CACNB2: variants seen among roughly 807,000 people sequenced by gnomAD.
CACNB2 encodes the protein calcium voltage-gated channel auxiliary subunit beta 2.
A neutral mutation model predicts 73.3 loss-of-function variants in CACNB2; 42 were observed. The ratio of observed to expected loss-of-function variants is 0.57; its 90% confidence interval spans 0.45 to 0.74. The LOEUF (loss-of-function observed/expected upper bound fraction) is 0.74. Among genes scored for constraint, CACNB2 ranks in the 30% least tolerant of loss-of-function variants. The probability of loss-of-function intolerance (pLI) is 0.00; values close to 1 mark genes in which losing one functional copy is unlikely to be tolerated. For missense variants in CACNB2, 940 were observed against 853.0 expected, an observed-to-expected ratio of 1.10 and a Z score of -1.27; for synonymous variants, 348 against 310.3, an observed-to-expected ratio of 1.12 and a Z score of -1.28.
At chr10:18,192,430 C>T (rs920757661) in intron 2 of CACNB2, among the ~76,000 whole-genome samples, 7 of 152,178 alleles carry the variant, frequency 4.6e-5, no homozygotes, top group Middle Eastern at 3.4e-3. Flanking sequence ...TGACTGTAGC[C>T]GCCAACTCCT....
At chr10:18,352,708 G>A (rs570104508) in intron 2 of CACNB2, among the ~76,000 whole-genome samples, 4 of 152,298 alleles carry the variant, frequency 2.6e-5, no homozygotes, top group African/African-American at 9.6e-5. Context: ...AACACTTAGA[G>A]GAAACATGCT....
At chr10:18,418,055 G>A (rs1021810412) in intron 3 of CACNB2, among the ~76,000 whole-genome samples, 3 of 152,020 alleles carry the variant, frequency 2.0e-5, no homozygotes, top group African/African-American at 7.2e-5. Flanking sequence ...GGAGTGCAGG[G>A]TTGTGGTTTT....
intron 6 of CACNB2, among the ~76,000 whole-genome samples, chr10:18,510,922 C>T (rs992907653): frequency 7.9e-5 from 12 of 152,150 alleles, no homozygotes; most frequent in South Asian, 4.1e-4. Flanking sequence ...TCCAGGAAAG[C>T]GCTGACAACA....
chr10:18,328,073 C>A (rs531026024), intron 2 of CACNB2, among the ~76,000 whole-genome samples: 1 of 152,292 alleles, frequency 6.6e-6, no homozygotes, highest in East Asian at 1.9e-4. Flanking sequence ...AAGATCCAAC[C>A]TCTATGCAGT....
At chr10:18,494,631 C>CAAAAAAAAAAA (rs909672661) in intron 3 of CACNB2, among the ~76,000 whole-genome samples, 4 of 61,804 alleles carry the variant, frequency 6.5e-5, no homozygotes, top group Admixed American at 1.7e-4. Flanking sequence ...GACTCCGTCT[C>CAAAAAAAAAAA]AAAAAAAAAA....
intron 3 of CACNB2, among the ~76,000 whole-genome samples, chr10:18,411,360 G>C (rs114479573): frequency 0.015 from 2,352 of 152,152 alleles, 76 homozygotes; most frequent in African/African-American, 0.053. Flanking sequence ...ACACACATTG[G>C]TACTGTCGTT....
intron 2 of CACNB2, among the ~76,000 whole-genome samples, chr10:18,221,899 G>A (rs1045310431): frequency 3.3e-5 from 5 of 152,196 alleles, no homozygotes; most frequent in African/African-American, 1.2e-4. Flanking sequence ...CTTTTGGAAA[G>A]TAGCATTGGC....
At chr10:18,253,831 GGGCGCGAAGACAATT>G (rs2037179129) in intron 2 of CACNB2, among the ~76,000 whole-genome samples, 1 of 152,168 alleles carries the variant, frequency 6.6e-6, no homozygotes, top group Admixed American at 6.5e-5. Flanking sequence ...TCTGAAGTTT[GGGCGCGAAGACAATT>G]GGCTGAAGAT....
intron 2 of CACNB2, among the ~76,000 whole-genome samples, chr10:18,270,280 A>C (rs775784473): frequency 6.6e-6 from 1 of 152,138 alleles, no homozygotes; most frequent in Admixed American, 6.5e-5. Flanking sequence ...TGCACCCATT[A>C]ACCAGTCACC....
At position 18,527,293 on chromosome 10, in the gene CACNB2, T is replaced by C. The variant is rs547486314; in HGVS notation, c.945-295T>C. 2.0e-5 allele frequency among the ~76,000 whole-genome samples: 3 copies of C among 152,104 alleles called. No individual in the cohort carries two copies. In the South Asian group the frequency reaches 6.2e-4, roughly 32 times the overall value. ...CCAGAGGCTGAGGCAGGAGAATCAC[T>C]TGAACCTGAAAGGTGGAGATTGCAG... On this transcript the variant is annotated intron_variant, in intron 9 of 13. Transcript: ENST00000324631.
At chr10:18,420,797 TTTAG>T (rs1449178673) in intron 3 of CACNB2, among the ~76,000 whole-genome samples, 1 of 152,228 alleles carries the variant, frequency 6.6e-6, no homozygotes, top group African/African-American at 2.4e-5. Context: ...CAGTCTAGAA[TTTAG>T]TTAAACATTC....
At chr10:18,252,669 T>C (rs546871254) in intron 2 of CACNB2, among the ~76,000 whole-genome samples, 75 of 152,346 alleles carry the variant, frequency 4.9e-4, no homozygotes, top group South Asian at 1.2e-3. Context: ...TGAAATATGG[T>C]TTTAAATAAT....
intron 2 of CACNB2, among the ~76,000 whole-genome samples, chr10:18,381,925 C>A (rs1014104972): frequency 6.6e-6 from 1 of 151,982 alleles, no homozygotes; most frequent in Non-Finnish European, 1.5e-5. Context: ...TCCCCGGCAT[C>A]GCCTGGGACA....
At chr10:18,300,161 A>G (rs546117480) in intron 2 of CACNB2, among the ~76,000 whole-genome samples, 7 of 152,060 alleles carry the variant, frequency 4.6e-5, no homozygotes, top group Non-Finnish European at 7.3e-5. Flanking sequence ...AGCTGGGATT[A>G]TAGGCGTGCA....
At chr10:18,258,874 T>A (rs1328773408) in intron 2 of CACNB2, among the ~76,000 whole-genome samples, 1 of 145,190 alleles carries the variant, frequency 6.9e-6, no homozygotes, top group Non-Finnish European at 1.5e-5. Flanking sequence ...CATGTATGGT[T>A]CAGAAAATGG....
At chr10:18,499,697 G>A (rs28498908) in intron 4 of CACNB2, among the ~76,000 whole-genome samples, 1 of 146,596 alleles carries the variant, frequency 6.8e-6, no homozygotes, top group African/African-American at 2.5e-5. Flanking sequence ...TAAGAACCTA[G>A]AAGCCTGGGT....
At chr10:18,283,511 TC>T (rs2038648954) in intron 2 of CACNB2, among the ~76,000 whole-genome samples, 1 of 152,072 alleles carries the variant, frequency 6.6e-6, no homozygotes, top group African/African-American at 2.4e-5. Flanking sequence ...TGAGTTCATG[TC>T]CTTTGTAGGG....
At chr10:18,333,774 G>A (rs1179672308) in intron 2 of CACNB2, among the ~76,000 whole-genome samples, 1 of 152,152 alleles carries the variant, frequency 6.6e-6, no homozygotes, top group Admixed American at 6.5e-5. Context: ...GTGTGATCAA[G>A]GGAATTTTTT....
chr10:18,373,835 G>C (rs1436784458), intron 2 of CACNB2, among the ~76,000 whole-genome samples: 1 of 152,164 alleles, frequency 6.6e-6, no homozygotes, highest in Non-Finnish European at 1.5e-5. Flanking sequence ...AGACATTGGT[G>C]CTTGTACCGG....
Sources: gnomAD v4.1 joint callset for allele counts (sites outside exome capture counted in the v4.1 genomes callset) on GRCh38, gnomAD v4.1.1 for gene constraint, MANE v1.5 for transcripts, NCBI Gene and HGNC (gene_info 2026-07-23, HGNC 2026-07-21) for gene names.